The following MYT1L variants were observed in gnomAD, a reference collection of about 807,000 sequenced individuals.
The protein encoded by MYT1L is myelin transcription factor 1 like.
Under a neutral mutation model 126.7 loss-of-function variants are expected in MYT1L, and 12 were observed. The observed-to-expected ratio is 0.09, with a 90% CI of 0.06 to 0.15. MYT1L has a LOEUF of 0.15. Among genes scored for constraint, MYT1L ranks in the 10% least tolerant of loss-of-function variants. The probability of loss-of-function intolerance (pLI) is 1.00; values close to 1 mark genes in which losing one functional copy is unlikely to be tolerated. For synonymous variants in MYT1L, 541 were observed against 604.2 expected (o/e 0.90, Z 1.53); for missense variants, 979 against 1,585.2 (o/e 0.62, Z 6.49).
At chr2:2,068,763 C>CTGTTT (rs2074200157) in intron 3 of MYT1L, among the ~76,000 whole-genome samples, 1 of 6,492 alleles carries the variant, frequency 1.5e-4, no homozygotes, top group Non-Finnish European at 3.9e-4. Context: ...CACCTGTGTT[C>CTGTTT]TTCTTGTTTT....
chr2:2,239,348 T>C (rs2094392422), intron 2 of MYT1L, among the ~76,000 whole-genome samples: 1 of 152,254 alleles, frequency 6.6e-6, no homozygotes, highest in South Asian at 2.1e-4. Flanking sequence ...ATGAACGTTT[T>C]TACAGACTGA....
At chr2:2,015,064 T>G (rs2064233322) in intron 4 of MYT1L, among the ~76,000 whole-genome samples, 2 of 152,230 alleles carry the variant, frequency 1.3e-5, no homozygotes, top group African/African-American at 4.8e-5. Flanking sequence ...ATGCAAATTT[T>G]CTAGCTGGGC....
intron 3 of MYT1L, among the ~76,000 whole-genome samples, chr2:2,084,149 C>A (rs1210792160): frequency 1.4e-4 from 16 of 113,318 alleles, no homozygotes; most frequent in African/African-American, 3.1e-4. Flanking sequence ...GAGAGGGCTA[C>A]TAAGGAACGG....
chr2:1,951,192 T>C (rs1449268438), intron 8 of MYT1L, among the ~76,000 whole-genome samples: 1 of 152,136 alleles, frequency 6.6e-6, no homozygotes, highest in Non-Finnish European at 1.5e-5. Context: ...AGGTGACCTC[T>C]AGAAGGGCTG....
intron 1 of MYT1L, among the ~76,000 whole-genome samples, chr2:2,317,212 A>G (rs1282252219): frequency 6.6e-6 from 1 of 152,184 alleles, no homozygotes; most frequent in Admixed American, 6.5e-5. Context: ...AGACTCATCA[A>G]TCAAACAATA....
At chr2:2,327,426 C>T (rs750092576) in intron 1 of MYT1L, among the ~76,000 whole-genome samples, 64 of 152,194 alleles carry the variant, frequency 4.2e-4, no homozygotes, top group Non-Finnish European at 6.0e-4. Context: ...CAAGTTTATC[C>T]TCAGTTACTC....
chr2:2,075,228 A>T (rs190843344), intron 3 of MYT1L, among the ~76,000 whole-genome samples: 1 of 152,200 alleles, frequency 6.6e-6, no homozygotes, highest in African/African-American at 2.4e-5. Context: ...GGGGCAGAGG[A>T]AATATAAAGA....
chr2:1,955,210 G>GAAA (rs35505446), intron 8 of MYT1L, among the ~76,000 whole-genome samples: 2 of 144,002 alleles, frequency 1.4e-5, no homozygotes, highest in African/African-American at 5.1e-5. Context: ...AGAAAATGCA[G>GAAA]AAAAAAAAAA....
At chr2:2,252,781 G>T (rs1459315760) in intron 2 of MYT1L, among the ~76,000 whole-genome samples, 3 of 151,972 alleles carry the variant, frequency 2.0e-5, no homozygotes, top group Non-Finnish European at 1.5e-5. Context: ...AGCATCCCTG[G>T]GTGTGCTCAG....
chr2:2,071,896 A>G (rs1307390034), intron 3 of MYT1L, among the ~76,000 whole-genome samples: 1 of 152,204 alleles, frequency 6.6e-6, no homozygotes, highest in African/African-American at 2.4e-5. Flanking sequence ...GACCAGAGGC[A>G]CTGAAGAGCT....
intron 2 of MYT1L, among the ~76,000 whole-genome samples, chr2:2,238,730 G>T (rs1319609490): frequency 6.6e-6 from 1 of 152,196 alleles, no homozygotes; most frequent in East Asian, 1.9e-4. Flanking sequence ...TGATAAAAAC[G>T]CTTTGTGCAA....
At chr2:1,894,604 T>C (rs1050084777) in intron 14 of MYT1L, among the ~76,000 whole-genome samples, 2 of 141,930 alleles carry the variant, frequency 1.4e-5, no homozygotes, top group Non-Finnish European at 3.0e-5. Flanking sequence ...AAAAAAAACA[T>C]TGCCCACATA....
At position 1,887,372 on chromosome 2, in the gene MYT1L, A is replaced by G; in HGVS notation, c.2642+116T>C. 2 of 1,362,234 alleles carry G rather than the reference A, an allele frequency of 1.5e-6. No homozygotes were observed. The highest frequency in any genetic ancestry group is 2.1e-6 in the Non-Finnish European group (2 of 971,462). The allele number at this position is 1,362,234 out of a possible 1,614,324, so 84.4% of individuals were successfully genotyped here. ...TGACCCAGCAGTCGGAAACATTTAT[A>G]TGCTGCGAATGTCGCATGCTCAAAC... On this transcript the variant is annotated intron_variant, in intron 17 of 24. Transcript: ENST00000647738. This position sits in a 1 kb window ranked among gnomAD's most constrained non-coding sequence, Gnocchi z 4.8.
intron 1 of MYT1L, among the ~76,000 whole-genome samples, chr2:2,329,631 G>C (rs1367858764): frequency 1.3e-5 from 2 of 152,078 alleles, no homozygotes; most frequent in African/African-American, 4.8e-5. Context: ...AAAAGCAGAA[G>C]GATTATATAA....
chr2:1,966,022 T>C (rs1240845948), intron 8 of MYT1L, among the ~76,000 whole-genome samples: 1 of 152,248 alleles, frequency 6.6e-6, no homozygotes, highest in Non-Finnish European at 1.5e-5. Flanking sequence ...CTCTGGGGTC[T>C]GGCCACCTAG....
intron 8 of MYT1L, among the ~76,000 whole-genome samples, chr2:1,972,650 A>G (rs2059896118): frequency 6.6e-6 from 1 of 152,220 alleles, no homozygotes; most frequent in Non-Finnish European, 1.5e-5. Flanking sequence ...TGAGGCGTGC[A>G]TACATCAGGA....
chr2:2,187,361 C>G (rs2092285847), intron 2 of MYT1L, among the ~76,000 whole-genome samples: 1 of 152,052 alleles, frequency 6.6e-6, no homozygotes, highest in South Asian at 2.1e-4. Flanking sequence ...CGAGAACCCA[C>G]AATCAAGCCC....
chr2:1,889,265 G>T lies in MYT1L; in HGVS notation c.2496C>A (p.Asp832Glu). ...CAGTAATGTCTTTGGACTCGTCCTC[G>T]TCTATCCTCCGGGGTTTCATTTTGG... ...DYTKMKPRRI[D>E]EDESKDITPE... The change falls in exon 16 of 25, where the codon GAC becomes GAA. Residue 832 changes from aspartate (D) to glutamate (E), a missense_variant. This residue lies in a region of MYT1L where 141 missense variants were observed against 170.6 expected (regional missense o/e 0.83). Transcript: ENST00000647738. This position sits in a 1 kb window ranked among gnomAD's most constrained non-coding sequence, Gnocchi z 4.1. The T allele has an allele frequency of 6.2e-7, 1 of 1,613,874 alleles. No individual in the cohort carries two copies. Among genetic ancestry groups the T allele is most frequent in the African/African-American group, 1.3e-5 (1 of 75,004 alleles).
chr2:2,060,721 C>T (rs1490126630), intron 3 of MYT1L, among the ~76,000 whole-genome samples: 1 of 121,664 alleles, frequency 8.2e-6, no homozygotes, highest in Middle Eastern at 4.1e-3. Flanking sequence ...TCCCTCCCCC[C>T]TCCCTTCCTT....
Sources: allele counts gnomAD v4.1 joint callset (sites outside exome capture counted in the v4.1 genomes callset), GRCh38; gene constraint gnomAD v4.1.1; regional missense constraint gnomAD v4.1.1; non-coding constraint Gnocchi (gnomAD v3.1); transcripts MANE v1.5; gene names NCBI Gene and HGNC (gene_info 2026-07-23, HGNC 2026-07-21).